FBXW7: variants seen among roughly 807,000 people sequenced by gnomAD.
FBXW7 encodes the protein F-box and WD repeat domain containing 7, also known as F-box/WD repeat-containing protein 7.
Under a neutral mutation model 86.3 loss-of-function variants are expected in FBXW7, and 11 were observed. The observed-to-expected ratio is 0.13, with a 90% CI of 0.08 to 0.21. The LOEUF is 0.21. Among genes scored for constraint, FBXW7 ranks in the 10% least tolerant of loss-of-function variants. The pLI is 1.00. For synonymous variants in FBXW7, 313 were observed against 297.9 expected, an observed-to-expected ratio of 1.05 and a Z score of -0.52; for missense variants, 488 against 847.4, an observed-to-expected ratio of 0.58 and a Z score of 5.27.
Position 152,535,374 on chromosome 4 carries a change from A to C in FBXW7, c.-460T>G. 1.4e-5 allele frequency: 5 copies of C among 351,094 alleles called. No homozygotes were observed. Among genetic ancestry groups the C allele is most frequent in the Non-Finnish European group, 2.0e-5 (4 of 196,792 alleles). 21.7% of individuals were successfully genotyped at this position (351,094 alleles called of 1,614,324 possible). ...GGAGCCGGGGGGCCGGCGACTGGCC[A>C]AGGGAGAAGACCCCCGGAGGGGGCT... On this transcript the variant is annotated 5_prime_UTR_variant, in exon 1 of 14. Coordinates refer to ENST00000281708, the MANE Select transcript of FBXW7 (RefSeq NM_001349798.2).
intron 2 of FBXW7, among the ~76,000 whole-genome samples, chr4:152,454,251 G>GCCC (rs36064556): frequency 5.6e-4 from 56 of 100,086 alleles, no homozygotes; most frequent in African/African-American, 2.1e-3. Flanking sequence ...AACTCTCTAA[G>GCCC]CCCCCCCCCC....
At chr4:152,519,156 G>A (rs984415737) in intron 2 of FBXW7, among the ~76,000 whole-genome samples, 3 of 152,072 alleles carry the variant, frequency 2.0e-5, no homozygotes, top group Non-Finnish European at 4.4e-5. Flanking sequence ...AAATTAGCAG[G>A]GCGTAGCGGT....
At chr4:152,338,991 G>A (rs1730442398) in intron 6 of FBXW7, among the ~76,000 whole-genome samples, 1 of 152,080 alleles carries the variant, frequency 6.6e-6, no homozygotes, top group Non-Finnish European at 1.5e-5. Context: ...TATAATAATT[G>A]ACAACAGATA....
rs2126584305 is a variant in FBXW7, at chr4:152,337,861, T to C, written c.802A>G (p.Met268Val). 2 of 1,612,686 alleles carry C rather than the reference T, an allele frequency of 1.2e-6. No homozygotes were observed. The highest frequency in any genetic ancestry group is 1.7e-6 in the Non-Finnish European group (2 of 1,179,268). The change falls in exon 7 of 14, where the codon ATG (methionine) becomes GTG (valine). Residue 268 changes from methionine (M) to valine (V), a missense_variant. Physicochemically the swap from Met to Val is conservative, Grantham distance 21. Coordinates refer to ENST00000281708, the MANE Select transcript of FBXW7 (RefSeq NM_001349798.2). ...AACTGGGGTTCTATCACTTGCATCA[T>C]ATGTTTTACTTGTGTTGGTTCACAA... ...DSCEPTQVKH[M>V]MQVIEPQFQR...
chr4:152,326,845 A>T (rs906503532), intron 11 of FBXW7, among the ~76,000 whole-genome samples: 1 of 152,120 alleles, frequency 6.6e-6, no homozygotes. Context: ...AGTTTTAGAC[A>T]TGTCCTCAAA....
chr4:152,423,909 T>C (rs1261967005), intron 2 of FBXW7, among the ~76,000 whole-genome samples: 1 of 152,202 alleles, frequency 6.6e-6, no homozygotes, highest in Non-Finnish European at 1.5e-5. Context: ...TATTTGAGTG[T>C]TGTTACTTTT....
intron 2 of FBXW7, among the ~76,000 whole-genome samples, chr4:152,447,219 G>C (rs1385584333): frequency 6.6e-6 from 1 of 152,140 alleles, no homozygotes; most frequent in Non-Finnish European, 1.5e-5. Flanking sequence ...TTCTACTACA[G>C]TAAATTGTTA....
intron 11 of FBXW7, 81 bp downstream of exon 11, chr4:152,328,127 T>C: frequency 9.0e-7 from 1 of 1,109,824 alleles, no homozygotes. Flanking sequence ...CTGTCACTAT[T>C]TCAGTAACTC....
chr4:152,347,753 A>AT (rs1223099304), intron 5 of FBXW7, among the ~76,000 whole-genome samples: 2 of 152,126 alleles, frequency 1.3e-5, no homozygotes, highest in Non-Finnish European at 2.9e-5. Context: ...AAATTTTGAG[A>AT]TTTAACTGTC....
At chr4:152,519,319 TAAAG>T (rs1196184828) in intron 2 of FBXW7, among the ~76,000 whole-genome samples, 16 of 149,764 alleles carry the variant, frequency 1.1e-4, no homozygotes, top group African/African-American at 2.2e-4. Flanking sequence ...AATAAATAAA[TAAAG>T]AAAGAAAGAA....
chr4:152,526,116 C>T (rs1749486188), intron 2 of FBXW7, among the ~76,000 whole-genome samples: 1 of 152,168 alleles, frequency 6.6e-6, no homozygotes, highest in Non-Finnish European at 1.5e-5. Context: ...TGTCTATTCA[C>T]GTCCTTTGTC....
chr4:152,440,945 T>TC (rs879647772), intron 2 of FBXW7, among the ~76,000 whole-genome samples: 2 of 152,268 alleles, frequency 1.3e-5, no homozygotes, highest in South Asian at 2.1e-4. Flanking sequence ...TTTTTTTTTT[T>TC]CAATAACGTT....
At chr4:152,335,509 A>G (rs908283766) in intron 7 of FBXW7, among the ~76,000 whole-genome samples, 1 of 152,190 alleles carries the variant, frequency 6.6e-6, no homozygotes, top group African/African-American at 2.4e-5. Flanking sequence ...TCTTACAGCC[A>G]AGTCAAATGG....
intron 2 of FBXW7, among the ~76,000 whole-genome samples, chr4:152,460,979 T>G (rs540990868): frequency 2.0e-5 from 3 of 152,198 alleles, no homozygotes; most frequent in Admixed American, 1.3e-4. Flanking sequence ...TTTTGCCATC[T>G]CCAAACAACT....
At chr4:152,471,287 T>C (rs1252929489) in intron 2 of FBXW7, among the ~76,000 whole-genome samples, 1 of 151,200 alleles carries the variant, frequency 6.6e-6, no homozygotes, top group Admixed American at 6.6e-5. Flanking sequence ...TATTTAGGCA[T>C]AGATTTAATA....
intron 2 of FBXW7, among the ~76,000 whole-genome samples, chr4:152,457,435 G>A (rs1335135311): frequency 6.6e-6 from 1 of 152,154 alleles, no homozygotes; most frequent in African/African-American, 2.4e-5. Context: ...GAGGTCAGGA[G>A]AGCGAGACCA....
At chr4:152,375,472 T>C (rs116251337) in intron 4 of FBXW7, among the ~76,000 whole-genome samples, 2,295 of 152,198 alleles carry the variant, frequency 0.015, 58 homozygotes, top group African/African-American at 0.051. Context: ...AAAATTACAG[T>C]TGAAAATAAT....
chr4:152,411,796 T>C lies in FBXW7; in HGVS notation c.8A>G (p.Gln3Arg), dbSNP rs1737993515. Residue 3 changes from glutamine (Q) to arginine (R), a missense_variant, in exon 4 of 14, where the codon CAG becomes CGG. Physicochemically the swap from Gln to Arg is conservative, Grantham distance 43. Coordinates refer to ENST00000281708, the MANE Select transcript of FBXW7 (RefSeq NM_001349798.2). The stretch of plus-strand genomic sequence containing the variant: ...TTTGCTGCCCACAGAGAGCAGTTCC[T>C]GATTCATTTCCAAAAGCCAGCTTGC... MN[Q>R]ELLSVGSKRR... 6.2e-7 allele frequency: 1 copy of C among 1,604,674 alleles called. No individual in the cohort carries two copies. The highest frequency in any genetic ancestry group is 8.5e-7 in the Non-Finnish European group (1 of 1,174,586).
chr4:152,345,459 T>C (rs1012868940), intron 6 of FBXW7, among the ~76,000 whole-genome samples: 2 of 152,166 alleles, frequency 1.3e-5, no homozygotes, highest in Non-Finnish European at 2.9e-5. Context: ...CCAGATTCTT[T>C]AGTACCATTG....
Sources: gnomAD v4.1 joint callset for allele counts (sites outside exome capture counted in the v4.1 genomes callset) on GRCh38, gnomAD v4.1.1 for gene constraint, MANE v1.5 for transcripts, NCBI Gene and HGNC (gene_info 2026-07-23, HGNC 2026-07-21) for gene names.